The following PTX3 variants were observed in gnomAD, a reference collection of about 807,000 sequenced individuals.
The protein encoded by PTX3 is pentraxin 3, also known as pentraxin-related protein PTX3.
A neutral mutation model predicts 23.5 loss-of-function variants in PTX3; 24 were observed. The ratio of observed to expected loss-of-function variants is 1.02; its 90% CI spans 0.74 to 1.43. PTX3 has a LOEUF of 1.43. PTX3 is among the 40% of genes most tolerant of loss of function. PTX3 has a pLI of 0.00. For missense variants in PTX3, 510 were observed against 497.5 expected (o/e 1.02, Z -0.24); for synonymous variants, 218 against 205.4 (o/e 1.06, Z -0.53).
At chr3:157,438,329 T>C (rs1211935639) in intron 2 of PTX3, among the ~76,000 whole-genome samples, 1 of 152,000 alleles carries the variant, frequency 6.6e-6, no homozygotes, top group African/African-American at 2.4e-5. Context: ...TCTTCTAATT[T>C]TATCCTGCCT....
chr3:157,442,286 T>C (rs1164783639), intron 2 of PTX3, 80 bp from the exon 3 acceptor site: 4 of 1,264,104 alleles, frequency 3.2e-6, no homozygotes, highest in African/African-American at 3.0e-5. Flanking sequence ...AAAATTCTTA[T>C]GTTAAATAAC....
rs1046113524 is a variant in PTX3 at position 157,443,528 on chromosome 3, T to C, written c.*549T>C. 2 of 152,758 alleles carry C rather than the reference T, an allele frequency of 1.3e-5. No homozygotes were observed. Among genetic ancestry groups the C allele is most frequent in the Non-Finnish European group, 2.9e-5 (2 of 68,104 alleles). The allele number at this position is 152,758 out of a possible 1,614,324, so 9.5% of individuals were successfully genotyped here. On this transcript the variant is annotated 3_prime_UTR_variant, in exon 3 of 3. Coordinates refer to ENST00000295927, the MANE Select transcript of PTX3 (RefSeq NM_002852.4). ...TATAAGTTATATTGCAAAAGGGATTTGTATTAATTTAAGACTATTTTTGTA... is the reference window on the plus strand; with the variant it reads ...TATAAGTTATATTGCAAAAGGGATTCGTATTAATTTAAGACTATTTTTGTA...
At chr3:157,437,992 C>A in intron 2 of PTX3, 78 bp downstream of exon 2, 1 of 1,478,318 alleles carries the variant, frequency 6.8e-7, no homozygotes, top group Non-Finnish European at 8.9e-7. Flanking sequence ...CCAAGCCAGG[C>A]AACCTTCTAG....
rs1229604585 is a variant in PTX3, at chr3:157,437,854, C to CA, written c.473dup (p.Thr159AspfsTer22). On this transcript the variant is annotated frameshift_variant, in exon 2 of 3. Coordinates refer to ENST00000295927, the MANE Select transcript of PTX3 (RefSeq NM_002852.4). LOFTEE classifies it high-confidence loss of function. ...GGCCGCGGTGCTAGAGGAGCTGCGGCAGACGCGAGCCGACCTGCACGCGGT... is the reference window on the plus strand; with the variant it reads ...GGCCGCGGTGCTAGAGGAGCTGCGGCAAGACGCGAGCCGACCTGCACGCGGT... 3 of 1,497,816 alleles carry CA rather than the reference C, an allele frequency of 2.0e-6. No homozygotes were observed. The highest frequency in any genetic ancestry group is 4.5e-5 in the Admixed American group (2 of 44,306). 92.8% of individuals were successfully genotyped at this position (1,497,816 alleles called of 1,614,324 possible).
chr3:157,439,000 T>C (rs562166730), intron 2 of PTX3, among the ~76,000 whole-genome samples: 21 of 152,340 alleles, frequency 1.4e-4, no homozygotes, highest in African/African-American at 4.8e-4. Context: ...GAATTTTATG[T>C]AATGAGAGCA....
chr3:157,439,830 A>C (rs1733980395), intron 2 of PTX3, among the ~76,000 whole-genome samples: 1 of 152,126 alleles, frequency 6.6e-6, no homozygotes, highest in Non-Finnish European at 1.5e-5. Flanking sequence ...GGCTCACTGC[A>C]AGCTCCGCCT....
At chr3:157,439,133 T>C (rs1733910889) in intron 2 of PTX3, among the ~76,000 whole-genome samples, 2 of 152,184 alleles carry the variant, frequency 1.3e-5, no homozygotes, top group Non-Finnish European at 2.9e-5. Context: ...CACTAGATTC[T>C]CAATGTGACA....
At position 157,436,992 on chromosome 3, in the gene PTX3, C is replaced by T; in HGVS notation, c.59C>T (p.Ser20Leu). The change falls in exon 1 of 3, where the codon TCG becomes TTG. Residue 20 changes from serine (S) to leucine (L), a missense_variant. Ser to Leu is a moderately radical substitution (Grantham distance 145, BLOSUM62 -2). Transcript: ENST00000295927. ...TGGTCTGCAGTGTTGGCCGAGAACTCGGATGATTATGATCTCATGTATGTG... is the reference window on the plus strand; with the variant it reads ...TGGTCTGCAGTGTTGGCCGAGAACTTGGATGATTATGATCTCATGTATGTG... The part of the protein sequence containing the change: ...ALWSAVLAEN[S>L]DDYDLMYVNL... 1 of 1,613,992 alleles carries T rather than the reference C, an allele frequency of 6.2e-7. No homozygotes were observed. The highest frequency in any genetic ancestry group is 1.3e-5 in the African/African-American group (1 of 75,018).
intron 2 of PTX3, among the ~76,000 whole-genome samples, chr3:157,440,529 T>C (rs1243959778): frequency 6.6e-6 from 1 of 152,158 alleles, no homozygotes; most frequent in Non-Finnish European, 1.5e-5. Context: ...ATATCTTCTT[T>C]AGGTTGTTAT....
intron 2 of PTX3, among the ~76,000 whole-genome samples, chr3:157,441,967 T>C (rs1258824543): frequency 6.6e-6 from 1 of 152,116 alleles, no homozygotes; most frequent in Non-Finnish European, 1.5e-5. Context: ...GAGAACCAGG[T>C]TGGGTTCTGA....
rs774189713 is a variant in PTX3, at chr3:157,442,790, G to A, written c.957G>A (p.Val319=). 1 of 1,614,114 alleles carries A rather than the reference G, an allele frequency of 6.2e-7. No individual in the cohort carries two copies. The highest frequency in any genetic ancestry group is 1.3e-5 in the African/African-American group (1 of 74,948). ...QIGQEKNGCC[V]GGGFDETLAF... is the part of the protein sequence containing the mutation. The stretch of plus-strand genomic sequence containing the variant: ...GCCAAGAAAAGAATGGCTGCTGTGT[G>A]GGTGGTGGCTTTGATGAAACATTAG... Residue 319 remains valine, a synonymous_variant, in exon 3 of 3, where the codon GTG becomes GTA. Coordinates refer to ENST00000295927, the MANE Select transcript of PTX3 (RefSeq NM_002852.4).
In PTX3 at chr3:157,437,072, A is replaced by T. The variant is rs2305619; in HGVS notation, c.130+9A>T. On this transcript the variant is annotated intron_variant, in intron 1 of 2. Coordinates refer to ENST00000295927, the MANE Select transcript of PTX3 (RefSeq NM_002852.4). ...CCATCCCACTGAGGACCGTAAGTTCACTTTAACTGTTTCTCTGCTAACCCT... is the reference window on the plus strand; with the variant it reads ...CCATCCCACTGAGGACCGTAAGTTCTCTTTAACTGTTTCTCTGCTAACCCT... 1.2e-6 allele frequency: 2 copies of T among 1,613,074 alleles called. No homozygotes were observed. The highest frequency in any genetic ancestry group is 1.1e-5 in the South Asian group (1 of 90,974).
chr3:157,443,592 C>T lies in PTX3; in HGVS notation c.*613C>T, dbSNP rs55654491. 6.6e-6 allele frequency: 1 copy of T among 152,604 alleles called. No homozygotes were observed. Among genetic ancestry groups the T allele is most frequent in the Middle Eastern group, 3.4e-3 (1 of 294 alleles). 9.5% of individuals were successfully genotyped at this position (152,604 alleles called of 1,614,324 possible). A position where few individuals can be genotyped will look rare whatever the true frequency, so the allele number is the denominator to read the frequency against. On this transcript the variant is annotated 3_prime_UTR_variant, in exon 3 of 3. Coordinates refer to ENST00000295927, the MANE Select transcript of PTX3 (RefSeq NM_002852.4). ...AATAAAATATTTTATAAAACTAGCT[C>T]ACGTCATTTAATTATAAATTTAAGA...
rs781480848 is a variant in PTX3 at position 157,437,010 on chromosome 3, T to C, written c.77T>C (p.Met26Thr). ...LAENSDDYDLMYVNLDNEIDN... is the reference protein window; with the variant it reads ...LAENSDDYDLTYVNLDNEIDN... The stretch of plus-strand genomic sequence containing the variant: ...GAGAACTCGGATGATTATGATCTCA[T>C]GTATGTGAATTTGGACAACGAAATA... Residue 26 changes from methionine (M) to threonine (T), a missense_variant, in exon 1 of 3, where the codon ATG (methionine) becomes ACG (threonine). Transcript: ENST00000295927. 26 of 1,614,084 alleles carry C rather than the reference T, an allele frequency of 1.6e-5. 1 individual carries two copies. In the South Asian group the frequency reaches 2.9e-4, roughly 18 times the overall value.
At position 157,437,601 on chromosome 3, in the gene PTX3, G is replaced by C. The variant is rs375365577; in HGVS notation, c.219G>C (p.Leu73=). Residue 73 remains leucine, a synonymous_variant, in exon 2 of 3, where the codon CTG becomes CTC. Transcript: ENST00000295927. ...LENSQMRERM[L]LQATDDVLRG... ...ACTCGCAGATGAGAGAGCGCATGCT[G>C]CTGCAAGCCACGGACGACGTCCTGC... The C allele has an allele frequency of 2.5e-6, 4 of 1,575,094 alleles. No homozygotes were observed. The highest frequency in any genetic ancestry group is 3.4e-6 in the Non-Finnish European group (4 of 1,162,812).
In PTX3 at chr3:157,437,551, G is replaced by A. The variant is rs1461440163; in HGVS notation, c.169G>A (p.Asp57Asn). ...CACGQEHSEW[D>N]KLFIMLENSQ... ...CTGCGGTCAGGAGCACTCGGAATGG[G>A]ACAAGCTCTTCATCATGCTGGAGAA... Residue 57 changes from aspartate (D) to asparagine (N), a missense_variant, in exon 2 of 3, where the codon GAC (aspartate) becomes AAC (asparagine). Physicochemically the swap from Asp to Asn is conservative, Grantham distance 23. Transcript: ENST00000295927. The A allele has an allele frequency of 1.9e-6, 3 of 1,605,390 alleles. No individual in the cohort carries two copies. Among genetic ancestry groups the A allele is most frequent in the Admixed American group, 3.4e-5 (2 of 59,370 alleles).
At chr3:157,439,774 G>A (rs574219816) in intron 2 of PTX3, among the ~76,000 whole-genome samples, 2 of 152,030 alleles carry the variant, frequency 1.3e-5, no homozygotes, top group African/African-American at 4.8e-5. Flanking sequence ...TCTTTGAGAC[G>A]GAATCTCGCT....
intron 2 of PTX3, 139 bp downstream of exon 2, chr3:157,438,053 A>G (rs1218059184): frequency 6.4e-5 from 47 of 730,186 alleles, no homozygotes; most frequent in African/African-American, 5.9e-4. Flanking sequence ...ACACACACAC[A>G]CACACACACA....
chr3:157,443,357 G>A lies in PTX3; in HGVS notation c.*378G>A. 5.5e-6 allele frequency: 1 copy of A among 180,394 alleles called. No individual in the cohort carries two copies. Among genetic ancestry groups the A allele is most frequent in the Non-Finnish European group, 1.2e-5 (1 of 84,502 alleles). The allele number at this position is 180,394 out of a possible 1,614,324, so 11.2% of individuals were successfully genotyped here. A position where few individuals can be genotyped will look rare whatever the true frequency, so the allele number is the denominator to read the frequency against. ...TTACATTGGAAGAATAACAAAATAA[G>A]ATTTGTTGTCCATTGTTCATTGTTA... On this transcript the variant is annotated 3_prime_UTR_variant, in exon 3 of 3. Transcript: ENST00000295927.
Sources: gnomAD v4.1 joint callset for allele counts (sites outside exome capture counted in the v4.1 genomes callset) on GRCh38, gnomAD v4.1.1 for gene constraint, MANE v1.5 for transcripts, NCBI Gene and HGNC (gene_info 2026-07-23, HGNC 2026-07-21) for gene names.